Variants in EPHA6 observed in about 807,000 individuals in gnomAD.
EPHA6 encodes the protein EPH receptor A6, also known as ephrin type-A receptor 6.
In EPHA6, 50 loss-of-function variants were observed where a neutral mutation model predicts 112.0. The observed-to-expected ratio is 0.45, with a 90% CI of 0.36 to 0.56. The LOEUF (loss-of-function observed/expected upper bound fraction) is 0.56, where lower values mean the gene tolerates loss of function less well. EPHA6 is among the 20% of genes least tolerant of loss of function. The pLI is 0.00. For synonymous variants in EPHA6, 529 were observed against 490.7 expected (o/e 1.08, Z -1.03); for missense variants, 1,280 against 1,417.4 (o/e 0.90, Z 1.56).
At chr3:97,637,399 C>T (rs77019067) in intron 13 of EPHA6, among the ~76,000 whole-genome samples, 2,126 of 152,132 alleles carry the variant, frequency 0.014, 28 homozygotes, top group Non-Finnish European at 0.022. Context: ...TCCTGAGTCA[C>T]CTGTCCTGAC....
At chr3:97,217,466 C>A (rs759747651) in intron 3 of EPHA6, among the ~76,000 whole-genome samples, 10 of 152,110 alleles carry the variant, frequency 6.6e-5, no homozygotes, top group Admixed American at 3.3e-4. Context: ...TATAAATGAT[C>A]TAAATACCCC....
intron 3 of EPHA6, among the ~76,000 whole-genome samples, chr3:97,104,236 T>C (rs984924714): frequency 1.3e-5 from 2 of 152,062 alleles, no homozygotes; most frequent in African/African-American, 4.8e-5. Flanking sequence ...TTTTCAAATA[T>C]AATGCTTCCA....
At chr3:97,281,600 T>C (rs2080289046) in intron 5 of EPHA6, among the ~76,000 whole-genome samples, 1 of 152,130 alleles carries the variant, frequency 6.6e-6, no homozygotes, top group South Asian at 2.1e-4. Context: ...GAAGGGATTA[T>C]AACACAATGA....
At chr3:97,108,937 T>C in intron 3 of EPHA6, among the ~76,000 whole-genome samples, 1 of 152,158 alleles carries the variant, frequency 6.6e-6, no homozygotes, top group East Asian at 1.9e-4. Context: ...GGACATCAAA[T>C]GTTGCAGCCA....
In EPHA6 at chr3:97,592,706, G is replaced by A. The variant is rs754524541; in HGVS notation, c.2481G>A (p.Gly827=). The A allele has an allele frequency of 6.2e-7, 1 of 1,603,024 alleles. No homozygotes were observed. Among genetic ancestry groups the A allele is most frequent in the Non-Finnish European group, 8.5e-7 (1 of 1,176,866 alleles). The part of the protein sequence containing the change: ...NSIQAPHPVP[G]GGSLPPRIPA... The stretch of plus-strand genomic sequence containing the variant: ...TCCAGGCCCCGCATCCAGTGCCAGG[G>A]GGAGGATCTTTGCCCCCCAGGATTC... Residue 827 remains glycine, a synonymous_variant, in exon 12 of 18, where the codon GGG becomes GGA. Coordinates refer to ENST00000389672, the MANE Select transcript of EPHA6 (RefSeq NM_001080448.3).
At chr3:97,137,784 T>C (rs1333344950) in intron 3 of EPHA6, among the ~76,000 whole-genome samples, 1 of 152,156 alleles carries the variant, frequency 6.6e-6, no homozygotes, top group Admixed American at 6.5e-5. Flanking sequence ...ACGTGGCACA[T>C]ATATACATAT....
At chr3:97,327,776 C>G (rs1289697822) in intron 5 of EPHA6, among the ~76,000 whole-genome samples, 2 of 150,258 alleles carry the variant, frequency 1.3e-5, no homozygotes, top group African/African-American at 4.9e-5. Context: ...TGAGGTTCAT[C>G]GAAGTTGTAG....
At chr3:97,289,472 G>A (rs1184369012) in intron 5 of EPHA6, among the ~76,000 whole-genome samples, 1 of 152,046 alleles carries the variant, frequency 6.6e-6, no homozygotes, top group Non-Finnish European at 1.5e-5. Flanking sequence ...TACTCTTTTG[G>A]TTACAGTAGT....
intron 6 of EPHA6, among the ~76,000 whole-genome samples, chr3:97,433,075 A>G (rs2107241451): frequency 6.6e-6 from 1 of 152,294 alleles, no homozygotes; most frequent in Non-Finnish European, 1.5e-5. Context: ...TCTACGGCAT[A>G]GATATCCTCC....
chr3:96,927,490 A>AT (rs1437005236), intron 2 of EPHA6, among the ~76,000 whole-genome samples: 1 of 152,222 alleles, frequency 6.6e-6, no homozygotes, highest in Non-Finnish European at 1.5e-5. Flanking sequence ...TCTTTTAAAC[A>AT]TAAGTTCCAG....
intron 3 of EPHA6, among the ~76,000 whole-genome samples, chr3:97,145,267 TACTC>T (rs1388526310): frequency 6.6e-6 from 1 of 151,494 alleles, no homozygotes; most frequent in African/African-American, 2.4e-5. Context: ...CAAGAGAACT[TACTC>T]TAATTTTTCT....
chr3:97,084,503 C>T (rs762384235), intron 3 of EPHA6, among the ~76,000 whole-genome samples: 20 of 151,898 alleles, frequency 1.3e-4, no homozygotes, highest in South Asian at 4.1e-4. Context: ...CTGGGCGAAA[C>T]GCAACAACAG....
At chr3:97,550,867 G>A (rs2093020180) in intron 11 of EPHA6, among the ~76,000 whole-genome samples, 1 of 150,940 alleles carries the variant, frequency 6.6e-6, no homozygotes, top group Non-Finnish European at 1.5e-5. Flanking sequence ...GTCAATAAAA[G>A]ACAAAAAGGA....
intron 6 of EPHA6, among the ~76,000 whole-genome samples, chr3:97,431,365 A>T (rs932028121): frequency 2.0e-5 from 3 of 152,118 alleles, no homozygotes; most frequent in African/African-American, 7.2e-5. Flanking sequence ...GAGAGAATGT[A>T]AAATTTTAGT....
chr3:96,997,200 A>T (rs952044159), intron 3 of EPHA6, among the ~76,000 whole-genome samples: 2 of 152,012 alleles, frequency 1.3e-5, no homozygotes, highest in Non-Finnish European at 2.9e-5. Flanking sequence ...AGGGAATGTT[A>T]TGGCTGCTTT....
chr3:97,638,835 A>T (rs2093975009), intron 14 of EPHA6, among the ~76,000 whole-genome samples: 1 of 152,140 alleles, frequency 6.6e-6, no homozygotes. Flanking sequence ...CTTCACCACT[A>T]ACTCATTTGG....
intron 14 of EPHA6, among the ~76,000 whole-genome samples, chr3:97,703,841 T>C (rs1304392444): frequency 6.6e-6 from 1 of 152,132 alleles, no homozygotes; most frequent in Non-Finnish European, 1.5e-5. Context: ...GTAAAAATTG[T>C]TCGTATAGAA....
chr3:97,638,338 C>T (rs76661625), intron 14 of EPHA6, among the ~76,000 whole-genome samples: 1,790 of 152,186 alleles, frequency 0.012, 41 homozygotes, highest in African/African-American at 0.04. Flanking sequence ...TCATGCTTAA[C>T]GTCCATGTCA....
At position 97,592,685 on chromosome 3, in the gene EPHA6, G is replaced by A; in HGVS notation, c.2460G>A (p.Gln820=). 1 of 1,612,062 alleles carries A rather than the reference G, an allele frequency of 6.2e-7. No individual in the cohort carries two copies. The highest frequency in any genetic ancestry group is 2.2e-5 in the East Asian group (1 of 44,834). The change falls in exon 12 of 18, where the codon CAG becomes CAA. Residue 820 remains glutamine (Q), a synonymous_variant. Transcript: ENST00000389672. The part of the protein sequence containing the change: ...FLRAGFLNSI[Q]APHPVPGGGS... ...GGGCAGGGTTTTTAAATAGCATCCA[G>A]GCCCCGCATCCAGTGCCAGGGGGAG...
Sources: allele counts gnomAD v4.1 joint callset (sites outside exome capture counted in the v4.1 genomes callset), GRCh38; gene constraint gnomAD v4.1.1; transcripts MANE v1.5; gene names NCBI Gene and HGNC (gene_info 2026-07-23, HGNC 2026-07-21).